CSMD1: variants seen among roughly 807,000 people sequenced by gnomAD.
The protein encoded by CSMD1 is CUB and sushi domain-containing protein 1.
In CSMD1, 213 loss-of-function variants were observed where a neutral mutation model predicts 417.5. That is an observed-to-expected ratio of 0.51 (90% CI 0.46 to 0.57). The LOEUF is 0.57. CSMD1 is among the 20% of genes least tolerant of loss of function. The pLI, the probability that CSMD1 is intolerant of heterozygous loss-of-function variation, is 0.00. For missense variants in CSMD1, 6,923 were observed against 4,529.7 expected (o/e 1.53, Z -15.17); for synonymous variants, 2,862 against 1,736.8 (o/e 1.65, Z -16.11).
At chr8:4,241,493 CTT>C (rs1434571413) in intron 3 of CSMD1, among the ~76,000 whole-genome samples, 11 of 152,308 alleles carry the variant, frequency 7.2e-5, no homozygotes, top group African/African-American at 2.4e-4. Context: ...GAGGATGTGT[CTT>C]TGAATGTCTG....
chr8:3,464,222 C>G (rs1257971595), intron 12 of CSMD1, among the ~76,000 whole-genome samples: 1 of 151,832 alleles, frequency 6.6e-6, no homozygotes, highest in Non-Finnish European at 1.5e-5. Context: ...TTTTTTGTAA[C>G]CAAAAATGCT....
intron 2 of CSMD1, among the ~76,000 whole-genome samples, chr8:4,559,057 G>A (rs571393685): frequency 6.6e-6 from 1 of 151,972 alleles, no homozygotes; most frequent in Non-Finnish European, 1.5e-5. Context: ...CCCTCATCTT[G>A]TATTTAAGCA....
Position 3,740,948 on chromosome 8 carries a change from G to T in CSMD1, c.931+12982C>A, listed in dbSNP as rs147019291. The stretch of plus-strand genomic sequence containing the variant: ...AAGATAGAGGGGGCCAGGGGTAGTG[G>T]CTCACACCTGTAACCCCAGCACTTT... On this transcript the variant is annotated intron_variant, in intron 6 of 69. Transcript: ENST00000635120. 6.9e-3 allele frequency among the ~76,000 whole-genome samples: 1,042 copies of T among 152,054 alleles called. 8 individuals carry two copies. Among genetic ancestry groups the T allele is most frequent in the Non-Finnish European group, 0.01 (691 of 67,982 alleles).
intron 6 of CSMD1, among the ~76,000 whole-genome samples, chr8:3,749,559 G>T: frequency 1.3e-5 from 2 of 152,030 alleles, no homozygotes; most frequent in East Asian, 3.9e-4. Context: ...ATTTTATGTT[G>T]GTTGTCATTT....
chr8:4,832,631 T>C (rs886767355), intron 1 of CSMD1, among the ~76,000 whole-genome samples: 10 of 152,184 alleles, frequency 6.6e-5, no homozygotes, highest in Admixed American at 5.2e-4. Context: ...AAGTGTCAAA[T>C]CTATCTGCTA....
chr8:4,735,545 G>C (rs764426178), intron 1 of CSMD1, among the ~76,000 whole-genome samples: 1 of 152,044 alleles, frequency 6.6e-6, no homozygotes. Context: ...ACCTTTTTAA[G>C]GTCTCTTCCC....
At position 4,548,788 on chromosome 8, in the gene CSMD1, C is replaced by T. The variant is rs151198868; in HGVS notation, c.302+88554G>A. On this transcript the variant is annotated intron_variant, in intron 2 of 69. Coordinates refer to ENST00000635120, the MANE Select transcript of CSMD1 (RefSeq NM_033225.6). ...TCCCAGGTGCCTTCCTGTTAGTTCA[C>T]GGGAAACCATGCAACAACCTGATAT... 9.9e-5 allele frequency among the ~76,000 whole-genome samples: 15 copies of T among 152,162 alleles called. No homozygotes were observed. The South Asian group carries it at 1.0e-3, about 11-fold the overall frequency.
At chr8:3,760,918 T>C (rs1797959202) in intron 5 of CSMD1, among the ~76,000 whole-genome samples, 1 of 152,082 alleles carries the variant, frequency 6.6e-6, no homozygotes, top group Non-Finnish European at 1.5e-5. Flanking sequence ...AGACCAGTTT[T>C]GTGTCAATTT....
chr8:4,348,736 A>T (rs1800921060), intron 3 of CSMD1, among the ~76,000 whole-genome samples: 1 of 152,214 alleles, frequency 6.6e-6, no homozygotes. Flanking sequence ...CGTCTTTAGG[A>T]AGACCGTGAG....
intron 1 of CSMD1, among the ~76,000 whole-genome samples, chr8:4,645,772 T>C (rs1315095427): frequency 6.6e-6 from 1 of 152,204 alleles, no homozygotes; most frequent in Non-Finnish European, 1.5e-5. Context: ...GAGTGGGATT[T>C]GCCCTGTGCC....
At chr8:4,939,845 G>C (rs1190646134) in intron 1 of CSMD1, among the ~76,000 whole-genome samples, 1 of 152,066 alleles carries the variant, frequency 6.6e-6, no homozygotes, top group African/African-American at 2.4e-5. Context: ...TAGCATGGAA[G>C]TGAATAAGCT....
At chr8:4,693,094 C>T (rs908353220) in intron 1 of CSMD1, among the ~76,000 whole-genome samples, 32 of 152,158 alleles carry the variant, frequency 2.1e-4, no homozygotes, top group Admixed American at 6.5e-5. Context: ...CACATCCTCT[C>T]GGAAGTTCCC....
chr8:2,999,291 G>C (rs975417797), intron 53 of CSMD1, among the ~76,000 whole-genome samples: 1 of 151,726 alleles, frequency 6.6e-6, no homozygotes, highest in African/African-American at 2.4e-5. Context: ...TAGTAGCTGG[G>C]ATTACAGATG....
chr8:4,227,871 T>A (rs1294669702), intron 3 of CSMD1, among the ~76,000 whole-genome samples: 3 of 146,664 alleles, frequency 2.0e-5, no homozygotes, highest in African/African-American at 7.7e-5. Context: ...ACAGCCTCCA[T>A]CCTACATTCA....
At chr8:3,508,431 C>T (rs1465052024) in intron 10 of CSMD1, among the ~76,000 whole-genome samples, 1 of 151,728 alleles carries the variant, frequency 6.6e-6, no homozygotes, top group African/African-American at 2.4e-5. Flanking sequence ...GGGTGCAGCA[C>T]ACCAACATGG....
chr8:4,605,517 C>A (rs1315996769), intron 2 of CSMD1, among the ~76,000 whole-genome samples: 1 of 152,156 alleles, frequency 6.6e-6, no homozygotes, highest in Non-Finnish European at 1.5e-5. Context: ...GACCAGGAAA[C>A]AGAGTTAACA....
chr8:3,468,167 G>T (rs1816886411), intron 12 of CSMD1, among the ~76,000 whole-genome samples: 1 of 152,068 alleles, frequency 6.6e-6, no homozygotes, highest in South Asian at 2.1e-4. Context: ...ATAATTAATG[G>T]GATCTTTTTC....
At chr8:4,842,114 G>T (rs1196785927) in intron 1 of CSMD1, among the ~76,000 whole-genome samples, 1 of 152,212 alleles carries the variant, frequency 6.6e-6, no homozygotes, top group Non-Finnish European at 1.5e-5. Flanking sequence ...ATGTAAAAAG[G>T]TGCAAGGCAC....
intron 12 of CSMD1, among the ~76,000 whole-genome samples, chr8:3,446,729 G>A (rs1391452897): frequency 6.6e-6 from 1 of 152,216 alleles, no homozygotes; most frequent in East Asian, 1.9e-4. Context: ...CTTATAAAGT[G>A]CAAAAATGCA....
Sources: gnomAD v4.1 joint callset for allele counts (sites outside exome capture counted in the v4.1 genomes callset) on GRCh38, gnomAD v4.1.1 for gene constraint, MANE v1.5 for transcripts, NCBI Gene and HGNC (gene_info 2026-07-23, HGNC 2026-07-21) for gene names.